The following FAP variants were observed in gnomAD, a reference collection of about 807,000 sequenced individuals.
FAP encodes the protein fibroblast activation protein alpha.
In FAP, 110 loss-of-function variants were observed where a neutral mutation model predicts 126.5. That is an observed-to-expected ratio of 0.87 (90% CI 0.74 to 1.02). FAP has a LOEUF of 1.02. Ranked by LOEUF, FAP falls within the 50% of genes least tolerant of loss-of-function variation. FAP has a pLI of 0.00. For missense variants in FAP, 919 were observed against 909.2 expected, an observed-to-expected ratio of 1.01 and a Z score of -0.14; for synonymous variants, 334 against 297.3, an observed-to-expected ratio of 1.12 and a Z score of -1.27.
At chr2:162,201,169 A>G (rs1181669564) in intron 14 of FAP, among the ~76,000 whole-genome samples, 4 of 152,176 alleles carry the variant, frequency 2.6e-5, no homozygotes, top group Non-Finnish European at 5.9e-5. Context: ...ATAGCCATGA[A>G]GTGGGAAATT....
intron 16 of FAP, chr2:162,197,656 G>C (rs1576156574): frequency 4.4e-6 from 2 of 456,436 alleles, no homozygotes; most frequent in African/African-American, 2.0e-5. Flanking sequence ...CAGGTTCCGG[G>C]GCCAGGTGGC....
chr2:162,239,396 T>A (rs1265062482), intron 2 of FAP, among the ~76,000 whole-genome samples: 1 of 152,098 alleles, frequency 6.6e-6, no homozygotes, highest in Non-Finnish European at 1.5e-5. Context: ...CTTCAGCTTC[T>A]TATATCTTTC....
At chr2:162,176,353 C>T (rs1687482150) in intron 21 of FAP, 1 of 152,088 alleles carries the variant, frequency 6.6e-6, no homozygotes, top group African/African-American at 2.4e-5. Context: ...TTATTGAAGA[C>T]CTTTAGCTAC....
At chr2:162,217,503 T>C (rs1414910059) in intron 9 of FAP, among the ~76,000 whole-genome samples, 1 of 152,210 alleles carries the variant, frequency 6.6e-6, no homozygotes, top group Admixed American at 6.5e-5. Context: ...CCATGTCTAC[T>C]TCCTTCAAGG....
chr2:162,241,927 A>G (rs1049826126), intron 2 of FAP, among the ~76,000 whole-genome samples: 7 of 151,976 alleles, frequency 4.6e-5, no homozygotes, highest in African/African-American at 1.4e-4. Flanking sequence ...TTTCGAAAAC[A>G]TTTTTCTATG....
intron 5 of FAP, 33 bp downstream of exon 5, chr2:162,224,433 C>A (rs1416416594): frequency 2.3e-6 from 3 of 1,310,144 alleles, no homozygotes; most frequent in Non-Finnish European, 3.2e-6. Context: ...GTAGGAGATA[C>A]AATTGGATAT....
In FAP at chr2:162,188,190, T is replaced by G; in HGVS notation, c.1793A>C (p.Glu598Ala). ...TCACCTGACAGCTGTAATCTGGTCT[T>G]CAACTTCATAAACACCCAGCTTTCG... ...VYRKLGVYEV[E>A]DQITAVRKFI... The change falls in exon 20 of 26, where the codon GAA becomes GCA. Residue 598 changes from glutamate to alanine, a missense_variant. Glu to Ala is a moderately radical substitution (Grantham distance 107, BLOSUM62 -1). Coordinates refer to ENST00000188790, the MANE Select transcript of FAP (RefSeq NM_004460.5). The G allele has an allele frequency of 6.2e-7, 1 of 1,613,028 alleles. No individual in the cohort carries two copies. The highest frequency in any genetic ancestry group is 8.5e-7 in the Non-Finnish European group (1 of 1,179,260).
chr2:162,186,421 C>T (rs1687869863), intron 20 of FAP, among the ~76,000 whole-genome samples: 1 of 152,010 alleles, frequency 6.6e-6, no homozygotes, highest in Admixed American at 6.6e-5. Context: ...GGCTTTGTGT[C>T]CTGTATGTTG....
intron 8 of FAP, 115 bp downstream of exon 8, chr2:162,218,948 G>A (rs1689271628): frequency 2.5e-6 from 2 of 790,164 alleles, no homozygotes; most frequent in Non-Finnish European, 1.8e-6. Context: ...ACAATTTTCA[G>A]CAATGCTACC....
At chr2:162,209,099 T>G (rs529618036) in intron 12 of FAP, among the ~76,000 whole-genome samples, 1 of 152,106 alleles carries the variant, frequency 6.6e-6, no homozygotes, top group Admixed American at 6.5e-5. Context: ...AATTTTTATA[T>G]AATTTATCAT....
intron 9 of FAP, among the ~76,000 whole-genome samples, chr2:162,217,525 A>G (rs1178785291): frequency 6.6e-6 from 1 of 152,154 alleles, no homozygotes; most frequent in Non-Finnish European, 1.5e-5. Flanking sequence ...AGAAATTGAG[A>G]CTTATAAATT....
chr2:162,217,774 A>G (rs1005860947), intron 9 of FAP, among the ~76,000 whole-genome samples: 2 of 152,186 alleles, frequency 1.3e-5, no homozygotes, highest in East Asian at 1.9e-4. Flanking sequence ...AGATTCTGCA[A>G]TAGATTTTGC....
intron 17 of FAP, among the ~76,000 whole-genome samples, chr2:162,190,037 G>A (rs1271659367): frequency 3.3e-5 from 5 of 151,830 alleles, no homozygotes; most frequent in Admixed American, 6.6e-5. Flanking sequence ...ATTCAATCAC[G>A]TTTTCCCATC....
intron 21 of FAP, among the ~76,000 whole-genome samples, chr2:162,182,041 G>T (rs1687711531): frequency 6.6e-6 from 1 of 152,200 alleles, no homozygotes; most frequent in Admixed American, 6.5e-5. Context: ...GACGGGTGGG[G>T]GTTCTAATGT....
At chr2:162,205,305 A>G (rs1688661799) in intron 12 of FAP, among the ~76,000 whole-genome samples, 1 of 152,156 alleles carries the variant, frequency 6.6e-6, no homozygotes, top group Non-Finnish European at 1.5e-5. Context: ...CCTTGGTAGG[A>G]TTTTGCATAT....
intron 6 of FAP, among the ~76,000 whole-genome samples, chr2:162,222,816 C>T (rs897410522): frequency 6.6e-6 from 1 of 152,112 alleles, no homozygotes; most frequent in Non-Finnish European, 1.5e-5. Context: ...TGGCTGTTCC[C>T]CAACCTTACA....
rs549825829 is a variant in FAP, at chr2:162,173,057, T to A, written c.2107+92A>T. The A allele has an allele frequency of 4.7e-5, 60 of 1,267,444 alleles. 1 individual carries two copies. In the South Asian group the frequency reaches 6.9e-4, roughly 15 times the overall value. 78.5% of individuals were successfully genotyped at this position (1,267,444 alleles called of 1,614,324 possible). Reference sequence around the variant, plus strand: ...GTCCCTGACTCTTAGGTACTGACCCTGAGCATAGGCATAGGAGGATGCTTA... The same window carrying A: ...GTCCCTGACTCTTAGGTACTGACCCAGAGCATAGGCATAGGAGGATGCTTA... On this transcript the variant is annotated intron_variant, in intron 24 of 25. Coordinates refer to ENST00000188790, the MANE Select transcript of FAP (RefSeq NM_004460.5).
At position 162,213,554 on chromosome 2, in the gene FAP, A is replaced by G. The variant is rs372167696; in HGVS notation, c.1002+384T>C. On this transcript the variant is annotated intron_variant, in intron 11 of 25. Coordinates refer to ENST00000188790, the MANE Select transcript of FAP (RefSeq NM_004460.5). Reference sequence around the variant, plus strand: ...TTCTTCTCTGGTTCTTTTGTTTAAAACATATATATTTATCTAGTAGACCCA... The same window carrying G: ...TTCTTCTCTGGTTCTTTTGTTTAAAGCATATATATTTATCTAGTAGACCCA... 2.0e-5 allele frequency among the ~76,000 whole-genome samples: 3 copies of G among 152,064 alleles called. No homozygotes were observed. In the East Asian group the frequency reaches 5.8e-4, roughly 29 times the overall value.
chr2:162,185,661 C>T (rs545838332), intron 20 of FAP, among the ~76,000 whole-genome samples: 1 of 152,044 alleles, frequency 6.6e-6, no homozygotes, highest in African/African-American at 2.4e-5. Context: ...GTAGTATTTA[C>T]TGTTGTTTCC....
Sources: gnomAD v4.1 joint callset for allele counts (sites outside exome capture counted in the v4.1 genomes callset) on GRCh38, gnomAD v4.1.1 for gene constraint, MANE v1.5 for transcripts, NCBI Gene and HGNC (gene_info 2026-07-23, HGNC 2026-07-21) for gene names.